The following DRC9 variants were observed in gnomAD, a reference collection of about 807,000 sequenced individuals.
DRC9 encodes the protein dynein regulatory complex subunit 9, also known as dynein regulatory complex protein 9.
At chr3:197,907,021 G>T in the DRC9 span, among the ~76,000 whole-genome samples, 1 of 152,148 alleles carries the variant, frequency 6.6e-6, no homozygotes, top group African/African-American at 2.4e-5. Flanking sequence ...GCCCTTCGTG[G>T]TAAATGTGCC....
At chr3:197,951,628 C>A in the DRC9 span, 2 of 364,056 alleles carry the variant, frequency 5.5e-6, no homozygotes, top group East Asian at 6.3e-5. Context: ...GCTGAGATTA[C>A]AGGCTTGAGC....
chr3:197,920,569 A>T, the DRC9 span, among the ~76,000 whole-genome samples: 1 of 152,046 alleles, frequency 6.6e-6, no homozygotes, highest in Non-Finnish European at 1.5e-5. Context: ...TCTACTAAAA[A>T]CACAAACATA....
At chr3:197,929,031 A>G in the DRC9 span, among the ~76,000 whole-genome samples, 3 of 152,152 alleles carry the variant, frequency 2.0e-5, no homozygotes, top group East Asian at 5.8e-4. The surrounding 1 kb of genome is among the most constrained non-coding windows in gnomAD (Gnocchi z 4.6). Flanking sequence ...TCGGGAGATC[A>G]TGGGTGTTTG....
At chr3:197,916,156 G>A in the DRC9 span, 1 of 151,870 alleles carries the variant, frequency 6.6e-6, no homozygotes, top group African/African-American at 2.4e-5. Flanking sequence ...AATATTTTTA[G>A]AGATGGGGGT....
chr3:197,947,781 A>G, the DRC9 span, among the ~76,000 whole-genome samples: 2 of 152,142 alleles, frequency 1.3e-5, no homozygotes, highest in African/African-American at 4.8e-5. Flanking sequence ...CTGCCAGAAT[A>G]TAATTGGTTG....
the DRC9 span, among the ~76,000 whole-genome samples, chr3:197,916,881 TA>T: frequency 5.9e-3 from 825 of 138,922 alleles, 2 homozygotes; most frequent in Middle Eastern, 7.0e-3. Context: ...AATGATGAAC[TA>T]AAAAAAAAAA....
the DRC9 span, among the ~76,000 whole-genome samples, chr3:197,911,605 CAACT>C: frequency 6.6e-6 from 1 of 151,956 alleles, no homozygotes; most frequent in Non-Finnish European, 1.5e-5. Flanking sequence ...AATCTTCACT[CAACT>C]GGGAATGTTA....
the DRC9 span, chr3:197,950,220 A>T: frequency 8.1e-7 from 1 of 1,231,192 alleles, no homozygotes; most frequent in African/African-American, 1.6e-5. Flanking sequence ...GCTCCTGTGG[A>T]GGTGAGTGAA....
At chr3:197,932,096 A>G in the DRC9 span, 130 of 1,494,956 alleles carry the variant, frequency 8.7e-5, no homozygotes, top group Non-Finnish European at 1.1e-4. Flanking sequence ...GGTTTGCTTT[A>G]AAATTCAAGG....
the DRC9 span, among the ~76,000 whole-genome samples, chr3:197,922,515 G>A: frequency 2.0e-5 from 3 of 152,044 alleles, no homozygotes; most frequent in Admixed American, 1.3e-4. Context: ...AGACCAGCCT[G>A]GCCAATATGG....
At chr3:197,891,861 TACAC>T in the DRC9 span, among the ~76,000 whole-genome samples, 2 of 152,210 alleles carry the variant, frequency 1.3e-5, no homozygotes, top group Non-Finnish European at 2.9e-5. Flanking sequence ...AGAATGTACA[TACAC>T]AAGTAGTCAG....
chr3:197,949,803 G>C, the DRC9 span: 728 of 365,352 alleles, frequency 2.0e-3, 23 homozygotes, highest in East Asian at 0.029. Context: ...TGTGTATCGA[G>C]AGAAAAGCAC....
chr3:197,901,498 C>T, the DRC9 span, among the ~76,000 whole-genome samples: 18 of 152,350 alleles, frequency 1.2e-4, 1 homozygote, highest in Middle Eastern at 6.8e-3. The surrounding 1 kb of genome is among the most constrained non-coding windows in gnomAD (Gnocchi z 4.4). Context: ...GTAGCCCACT[C>T]CCCTGAAGAG....
the DRC9 span, among the ~76,000 whole-genome samples, chr3:197,908,739 C>A: frequency 3.9e-4 from 56 of 142,472 alleles, no homozygotes; most frequent in African/African-American, 1.3e-3. Flanking sequence ...AACCCTTTCC[C>A]AGGCATCCTC....
At chr3:197,938,036 C>G in the DRC9 span, among the ~76,000 whole-genome samples, 1 of 151,914 alleles carries the variant, frequency 6.6e-6, no homozygotes, top group Non-Finnish European at 1.5e-5. Context: ...AGACAAAGGG[C>G]CGGGCGCGGT....
chr3:197,926,209 C>T, the DRC9 span: 3 of 670,694 alleles, frequency 4.5e-6, no homozygotes, highest in Non-Finnish European at 8.1e-6. Context: ...GGCCTCTTCC[C>T]CCAGAGAATC....
chr3:197,929,484 G>A, the DRC9 span, among the ~76,000 whole-genome samples: 1 of 152,074 alleles, frequency 6.6e-6, no homozygotes, highest in Non-Finnish European at 1.5e-5. This position sits in a 1 kb window ranked among gnomAD's most constrained non-coding sequence, Gnocchi z 4.6. Flanking sequence ...TAAAAACAGA[G>A]ACTAGAGCCA....
the DRC9 span, chr3:197,955,862 A>G: frequency 2.7e-6 from 3 of 1,108,074 alleles, no homozygotes; most frequent in African/African-American, 3.1e-5. Flanking sequence ...TTGATTTGCT[A>G]CATGCTTAAA....
chr3:197,940,017 A>C, the DRC9 span, among the ~76,000 whole-genome samples: 2 of 152,132 alleles, frequency 1.3e-5, no homozygotes, highest in African/African-American at 4.8e-5. Flanking sequence ...TTTTTGAGAC[A>C]GAGTCTCACT....
Sources: gnomAD v4.1 joint callset for allele counts (sites outside exome capture counted in the v4.1 genomes callset) on GRCh38, gnomAD v4.1.1 for gene constraint, Gnocchi (gnomAD v3.1) non-coding constraint, MANE v1.5 for transcripts, NCBI Gene and HGNC (gene_info 2026-07-23, HGNC 2026-07-21) for gene names.